KCNIP4: variants seen among roughly 807,000 people sequenced by gnomAD.
KCNIP4 encodes the protein potassium voltage-gated channel interacting protein 4, also known as Kv channel-interacting protein 4.
KCNIP4 carries 12 observed loss-of-function variants against 34.0 expected under a neutral mutation model. The observed-to-expected ratio is 0.35, with a 90% CI of 0.23 to 0.57. The LOEUF (loss-of-function observed/expected upper bound fraction) is 0.57. KCNIP4 is among the 20% of genes least tolerant of loss of function. The probability of loss-of-function intolerance (pLI) is 0.83; values close to 1 mark genes in which losing one functional copy is unlikely to be tolerated. For synonymous variants in KCNIP4, 124 were observed against 102.2 expected (o/e 1.21, Z -1.29); for missense variants, 238 against 311.7 (o/e 0.76, Z 1.78).
At chr4:21,789,944 A>T (rs1720168431) in intron 1 of KCNIP4, among the ~76,000 whole-genome samples, 1 of 152,186 alleles carries the variant, frequency 6.6e-6, no homozygotes, top group Non-Finnish European at 1.5e-5. Flanking sequence ...GGAACCCAGA[A>T]CTGAAGTCCG....
intron 1 of KCNIP4, among the ~76,000 whole-genome samples, chr4:21,635,580 C>T (rs1381790994): frequency 6.6e-6 from 1 of 152,024 alleles, no homozygotes; most frequent in African/African-American, 2.4e-5. Flanking sequence ...AAATCAAAAC[C>T]ACAATGAGAT....
At chr4:20,731,590 A>G in intron 8 of KCNIP4, 1 of 985,362 alleles carries the variant, frequency 1.0e-6, no homozygotes, top group Non-Finnish European at 1.2e-6. Flanking sequence ...CTTAGAAATC[A>G]GATAGAAGCT....
chr4:21,205,343 C>T (rs564682855), intron 1 of KCNIP4, among the ~76,000 whole-genome samples: 26 of 152,196 alleles, frequency 1.7e-4, no homozygotes, highest in Non-Finnish European at 8.8e-5. Flanking sequence ...CTGTCATGAT[C>T]CCAAGGTATA....
At chr4:20,758,703 A>G in intron 4 of KCNIP4, 118 bp downstream of exon 4, 2 of 779,464 alleles carry the variant, frequency 2.6e-6, no homozygotes, top group Admixed American at 2.2e-5. Flanking sequence ...CATGCTGTGC[A>G]TTAATTCTTT....
At chr4:21,605,358 A>C (rs1577679377) in intron 1 of KCNIP4, among the ~76,000 whole-genome samples, 1 of 152,338 alleles carries the variant, frequency 6.6e-6, no homozygotes, top group East Asian at 1.9e-4. Context: ...AGGCAAGTAC[A>C]TTTTTAAAGT....
At chr4:20,807,552 G>A (rs1325592713) in intron 3 of KCNIP4, among the ~76,000 whole-genome samples, 1 of 152,030 alleles carries the variant, frequency 6.6e-6, no homozygotes, top group Non-Finnish European at 1.5e-5. Context: ...AAAATACTTA[G>A]TATCTGGCCC....
At chr4:21,617,131 C>G (rs912700275) in intron 1 of KCNIP4, among the ~76,000 whole-genome samples, 1 of 152,070 alleles carries the variant, frequency 6.6e-6, no homozygotes, top group African/African-American at 2.4e-5. Flanking sequence ...GTATTTTTAC[C>G]AAAACTGTCA....
intron 1 of KCNIP4, among the ~76,000 whole-genome samples, chr4:21,338,232 T>C (rs1578097102): frequency 8.4e-6 from 1 of 118,950 alleles, no homozygotes; most frequent in South Asian, 3.0e-4. Flanking sequence ...ACCACTGCAC[T>C]CCAGCCTGGG....
intron 1 of KCNIP4, among the ~76,000 whole-genome samples, chr4:21,325,350 T>C (rs1714929892): frequency 6.6e-6 from 1 of 151,942 alleles, no homozygotes; most frequent in South Asian, 2.1e-4. Flanking sequence ...GTCTGTGAAC[T>C]TACCTACTTA....
chr4:20,744,523 A>G (rs990056069), intron 5 of KCNIP4, among the ~76,000 whole-genome samples: 2 of 152,168 alleles, frequency 1.3e-5, no homozygotes, highest in Non-Finnish European at 2.9e-5. Context: ...AAGGACAGAA[A>G]ACCAAACACC....
intron 1 of KCNIP4, among the ~76,000 whole-genome samples, chr4:21,741,625 A>T (rs1257993187): frequency 6.6e-6 from 1 of 152,218 alleles, no homozygotes; most frequent in Non-Finnish European, 1.5e-5. Context: ...TAAAAAGGCA[A>T]TTTTATGAAA....
intron 1 of KCNIP4, among the ~76,000 whole-genome samples, chr4:21,640,588 GCCAACCAA>G (rs371197288): frequency 6.6e-6 from 1 of 151,960 alleles, no homozygotes; most frequent in Non-Finnish European, 1.5e-5. Flanking sequence ...CCATGTTCCA[GCCAACCAA>G]CCAACCAACC....
At chr4:20,800,521 G>A (rs186666966) in intron 3 of KCNIP4, among the ~76,000 whole-genome samples, 59 of 152,178 alleles carry the variant, frequency 3.9e-4, no homozygotes, top group Non-Finnish European at 6.5e-4. Context: ...ACACATAGGC[G>A]ATTCAATGAA....
intron 1 of KCNIP4, among the ~76,000 whole-genome samples, chr4:21,863,792 C>G (rs1035472286): frequency 5.3e-5 from 8 of 152,174 alleles, no homozygotes; most frequent in African/African-American, 1.9e-4. Context: ...CCTCTATTAG[C>G]TGTGAAAGTT....
chr4:21,813,693 T>A (rs953705397), intron 1 of KCNIP4, among the ~76,000 whole-genome samples: 2 of 152,058 alleles, frequency 1.3e-5, no homozygotes, highest in Non-Finnish European at 1.5e-5. Context: ...TTAAAATAAA[T>A]GATATACATT....
intron 1 of KCNIP4, among the ~76,000 whole-genome samples, chr4:21,101,467 C>A (rs1237558413): frequency 4.6e-5 from 7 of 152,096 alleles, no homozygotes; most frequent in Non-Finnish European, 1.5e-5. Context: ...GATTCCAAAT[C>A]TTTGTGACTG....
Position 21,751,697 on chromosome 4 carries a change from C to CTTTTAGA in KCNIP4, c.61+196873_61+196874insTCTAAAA, listed in dbSNP as rs532957250. 8.8e-3 allele frequency among the ~76,000 whole-genome samples: 1,333 copies of CTTTTAGA among 152,024 alleles called. 19 individuals carry two copies. Among genetic ancestry groups the CTTTTAGA allele is most frequent in the South Asian group, 0.039 (188 of 4,802 alleles). On this transcript the variant is annotated intron_variant, in intron 1 of 8. Transcript: ENST00000382152. ...CATTTGTGCCTGCCAGGTAATGTGT[C>CTTTTAGA]CAAGTTTTAGAAATGTAACTGGAAT...
intron 1 of KCNIP4, among the ~76,000 whole-genome samples, chr4:21,829,106 T>A (rs973065891): frequency 6.6e-6 from 1 of 151,952 alleles, no homozygotes; most frequent in African/African-American, 2.4e-5. Context: ...CAACTTACGA[T>A]GGTTTGACTT....
At position 20,955,174 on chromosome 4, in the gene KCNIP4, C is replaced by T. The variant is rs540138615; in HGVS notation, c.62-72465G>A. Among the ~76,000 whole-genome samples the T allele has an allele frequency of 7.2e-4, 109 of 152,310 alleles. 1 individual carries two copies. The highest frequency in any genetic ancestry group is 1.2e-3 in the Non-Finnish European group (82 of 68,028). ...GGGTTGTTACTAGAAGCCTCACCTG[C>T]AGCCTATTCATTCAGCCCTTCTGAC... is the stretch of plus-strand genomic sequence containing the variant. On this transcript the variant is annotated intron_variant, in intron 1 of 8. Coordinates refer to ENST00000382152, the MANE Select transcript of KCNIP4 (RefSeq NM_025221.6).
Sources: allele counts gnomAD v4.1 joint callset (sites outside exome capture counted in the v4.1 genomes callset), GRCh38; gene constraint gnomAD v4.1.1; transcripts MANE v1.5; gene names NCBI Gene and HGNC (gene_info 2026-07-23, HGNC 2026-07-21).